SRRM4: variants seen among roughly 807,000 people sequenced by gnomAD.
SRRM4 encodes serine/arginine repetitive matrix 4.
Under a neutral mutation model 68.9 loss-of-function variants are expected in SRRM4, and 33 were observed. The observed-to-expected ratio is 0.48, with a 90% confidence interval of 0.36 to 0.64. SRRM4 has a LOEUF of 0.64. SRRM4 is among the 30% of genes least tolerant of loss of function. SRRM4 has a pLI of 0.00. For synonymous variants in SRRM4, 318 were observed against 318.8 expected (o/e 1.00, Z 0.03); for missense variants, 817 against 827.1 (o/e 0.99, Z 0.15).
chr12:119,091,368 C>T (rs1017571761), intron 1 of SRRM4, among the ~76,000 whole-genome samples: 5 of 152,110 alleles, frequency 3.3e-5, no homozygotes, highest in African/African-American at 1.2e-4. Flanking sequence ...AAGCCAAGGC[C>T]TCAGTGTAGG....
At chr12:119,137,383 T>C (rs1014398004) in intron 8 of SRRM4, among the ~76,000 whole-genome samples, 1 of 152,108 alleles carries the variant, frequency 6.6e-6, no homozygotes, top group Non-Finnish European at 1.5e-5. Flanking sequence ...GAGGTTGCCT[T>C]TTTTCCCCGT....
At chr12:118,982,092 T>C (rs1016159602) in intron 1 of SRRM4, 79 bp downstream of exon 1, 1 of 1,498,424 alleles carries the variant, frequency 6.7e-7, no homozygotes, top group African/African-American at 1.4e-5. Flanking sequence ...GAGGGGTGGA[T>C]GCAGGCAGCC....
chr12:119,134,049 T>C (rs1218179144), intron 8 of SRRM4, among the ~76,000 whole-genome samples: 1 of 152,112 alleles, frequency 6.6e-6, no homozygotes, highest in Non-Finnish European at 1.5e-5. Context: ...TAAAATTCCA[T>C]GGCAAGATAT....
chr12:119,044,891 T>G (rs943141704), intron 1 of SRRM4, among the ~76,000 whole-genome samples: 1 of 152,190 alleles, frequency 6.6e-6, no homozygotes, highest in African/African-American at 2.4e-5. Context: ...GTGAACTCTA[T>G]GCATCAGAAT....
At chr12:119,105,597 T>C (rs1281116107) in intron 2 of SRRM4, among the ~76,000 whole-genome samples, 1 of 152,284 alleles carries the variant, frequency 6.6e-6, no homozygotes, top group Non-Finnish European at 1.5e-5. Flanking sequence ...TTCATGTGTC[T>C]GTTGGCTGCA....
At chr12:119,110,682 A>G (rs1954136899) in intron 2 of SRRM4, among the ~76,000 whole-genome samples, 1 of 152,144 alleles carries the variant, frequency 6.6e-6, no homozygotes, top group African/African-American at 2.4e-5. Flanking sequence ...GAGAGGTGCA[A>G]TATTAGGGTG....
At chr12:119,062,806 C>T (rs1052336899) in intron 1 of SRRM4, among the ~76,000 whole-genome samples, 2 of 152,186 alleles carry the variant, frequency 1.3e-5, no homozygotes, top group African/African-American at 4.8e-5. Context: ...ACAGCCATGC[C>T]TGGATTTGAA....
intron 1 of SRRM4, among the ~76,000 whole-genome samples, chr12:119,063,702 A>G (rs547243907): frequency 5.3e-4 from 80 of 152,338 alleles, no homozygotes; most frequent in African/African-American, 1.8e-3. Context: ...CAAATGCTAG[A>G]CATTGGTCTC....
intron 1 of SRRM4, chr12:119,036,894 G>C (rs1259475784): frequency 6.6e-6 from 1 of 152,290 alleles, no homozygotes; most frequent in Non-Finnish European, 1.5e-5. Flanking sequence ...CGTGCTTCAG[G>C]GATATGATGA....
intron 8 of SRRM4, among the ~76,000 whole-genome samples, chr12:119,134,020 C>G (rs1160044573): frequency 1.3e-5 from 2 of 152,070 alleles, no homozygotes; most frequent in African/African-American, 4.8e-5. Flanking sequence ...AAAATAAAGA[C>G]TAGAGTTGAG....
chr12:119,090,286 A>G (rs1023440824), intron 1 of SRRM4, among the ~76,000 whole-genome samples: 1 of 152,172 alleles, frequency 6.6e-6, no homozygotes, highest in Non-Finnish European at 1.5e-5. Context: ...CTTAGATGGA[A>G]TTCACAAGAA....
chr12:119,071,231 AT>A (rs1409072059), intron 1 of SRRM4, among the ~76,000 whole-genome samples: 5 of 152,210 alleles, frequency 3.3e-5, no homozygotes, highest in African/African-American at 1.2e-4. Flanking sequence ...ATAAATGAAT[AT>A]AAATGAATCT....
chr12:119,011,118 A>G (rs890726438), intron 1 of SRRM4, among the ~76,000 whole-genome samples: 3 of 152,206 alleles, frequency 2.0e-5, no homozygotes, highest in African/African-American at 7.2e-5. Context: ...TATCTCTGTG[A>G]CTACATATTT....
At chr12:119,034,083 A>G (rs1594036379) in intron 1 of SRRM4, among the ~76,000 whole-genome samples, 2 of 152,326 alleles carry the variant, frequency 1.3e-5, no homozygotes, top group East Asian at 3.9e-4. Flanking sequence ...CTTGGGGTCA[A>G]GCGACACTTG....
At chr12:119,038,737 G>A (rs1195089878) in intron 1 of SRRM4, among the ~76,000 whole-genome samples, 1 of 152,078 alleles carries the variant, frequency 6.6e-6, no homozygotes, top group Non-Finnish European at 1.5e-5. Flanking sequence ...ATGTCTTCAT[G>A]GGGTGCTACA....
intron 1 of SRRM4, among the ~76,000 whole-genome samples, chr12:119,067,657 A>C (rs530761264): frequency 6.6e-6 from 1 of 152,264 alleles, no homozygotes; most frequent in African/African-American, 2.4e-5. Context: ...GCGGTGAGGC[A>C]AGATCATGCC....
intron 4 of SRRM4, 79 bp from the exon 5 acceptor site, chr12:119,120,171 C>A: frequency 1.2e-6 from 1 of 809,368 alleles, no homozygotes; most frequent in Non-Finnish European, 1.9e-6. Context: ...CTCTCTCCAT[C>A]TCTCTCTCTC....
chr12:119,142,280 C>T (rs1038268499), intron 8 of SRRM4, among the ~76,000 whole-genome samples: 1 of 152,314 alleles, frequency 6.6e-6, no homozygotes, highest in South Asian at 2.1e-4. Flanking sequence ...CCAATGAGAA[C>T]ATTTCAATAG....
At chr12:119,040,339 C>T (rs778196914) in intron 1 of SRRM4, among the ~76,000 whole-genome samples, 10 of 152,004 alleles carry the variant, frequency 6.6e-5, no homozygotes, top group Non-Finnish European at 1.3e-4. Context: ...GTCTGTTATC[C>T]CCTGTGTCCC....
Sources: gnomAD v4.1 joint callset for allele counts (sites outside exome capture counted in the v4.1 genomes callset) on GRCh38, gnomAD v4.1.1 for gene constraint, MANE v1.5 for transcripts, NCBI Gene and HGNC (gene_info 2026-07-23, HGNC 2026-07-21) for gene names.